PDZD2: variants seen among roughly 807,000 people sequenced by gnomAD.
The protein encoded by PDZD2 is PDZ domain containing 2.
Under a neutral mutation model 220.7 loss-of-function variants are expected in PDZD2, and 90 were observed. That is an observed-to-expected ratio of 0.41 (90% CI 0.34 to 0.49). PDZD2 has a LOEUF of 0.49. Ranked by LOEUF, PDZD2 falls within the 20% of genes least tolerant of loss-of-function variation. The pLI is 0.28. For synonymous variants in PDZD2, 1,375 were observed against 1,450.5 expected (o/e 0.95, Z 1.18); for missense variants, 3,174 against 3,608.5 (o/e 0.88, Z 3.08).
intron 4 of PDZD2, among the ~76,000 whole-genome samples, chr5:31,999,324 T>C (rs551946479): frequency 6.6e-6 from 1 of 150,962 alleles, no homozygotes; most frequent in Non-Finnish European, 1.5e-5. Context: ...CTTCTGTACA[T>C]GAAGCTTGGC....
intron 14 of PDZD2, among the ~76,000 whole-genome samples, chr5:32,062,088 G>A (rs1280824387): frequency 6.6e-6 from 1 of 152,146 alleles, no homozygotes. Context: ...ACAAATAAAT[G>A]TCTTCACATT....
At chr5:31,821,486 T>C (rs1229182870) in intron 2 of PDZD2, among the ~76,000 whole-genome samples, 1 of 151,998 alleles carries the variant, frequency 6.6e-6, no homozygotes, top group Non-Finnish European at 1.5e-5. Flanking sequence ...GTTCAAGTGA[T>C]TTTCCTGCCT....
At position 32,000,125 on chromosome 5, in the gene PDZD2, CT is replaced by C; in HGVS notation, c.1122-13del. On this transcript the variant is annotated splice_polypyrimidine_tract_variant and intron_variant, in intron 4 of 24. Transcript: ENST00000438447. The surrounding 1 kb of genome is among the most constrained non-coding windows in gnomAD (Gnocchi z 4.5). ...TCTTGACAAGGGATCTTTTTCCCAT[CT>C]CCCTTTCCTCAGGGATGGCAGGCTG... is the stretch of plus-strand genomic sequence containing the variant. 1 of 1,612,948 alleles carries C rather than the reference CT, an allele frequency of 6.2e-7. No homozygotes were observed.
intron 1 of PDZD2, among the ~76,000 whole-genome samples, chr5:31,666,492 G>T (rs914444035): frequency 2.1e-4 from 32 of 152,244 alleles, no homozygotes; most frequent in Admixed American, 2.0e-3. Context: ...CATGCAAGGG[G>T]CTTGCTGATC....
chr5:31,892,814 T>TG (rs1741173172), intron 2 of PDZD2, among the ~76,000 whole-genome samples: 1 of 33,456 alleles, frequency 3.0e-5, no homozygotes, highest in Non-Finnish European at 5.8e-5. Flanking sequence ...CCAGCAGTCC[T>TG]CCTGCCTCGG....
intron 1 of PDZD2, among the ~76,000 whole-genome samples, chr5:31,652,271 G>A (rs142612698): frequency 5.1e-4 from 77 of 152,232 alleles, no homozygotes; most frequent in African/African-American, 1.8e-3. Flanking sequence ...AGGATTACAG[G>A]TGTGAGCCAC....
Position 32,091,131 on chromosome 5 carries a change from T to G in PDZD2, c.7683T>G (p.Gly2561=). The G allele has an allele frequency of 3.1e-6, 5 of 1,592,922 alleles. No homozygotes were observed. Among genetic ancestry groups the G allele is most frequent in the Non-Finnish European group, 2.6e-6 (3 of 1,163,234 alleles). The change falls in exon 20 of 25, where the codon GGT becomes GGG. Residue 2561 remains glycine (G), a synonymous_variant. Transcript: ENST00000438447. ...CACCCAGTTCAGCCAGTGATACGGGTGAAGCTGCCCAGGATCTGCCTTTTA... is the reference window on the plus strand; with the variant it reads ...CACCCAGTTCAGCCAGTGATACGGGGGAAGCTGCCCAGGATCTGCCTTTTA... The part of the protein sequence containing the change: ...AETPSSASDT[G]EAAQDLPFRR...
At chr5:31,931,461 T>C (rs770572151) in intron 2 of PDZD2, among the ~76,000 whole-genome samples, 1 of 152,086 alleles carries the variant, frequency 6.6e-6, no homozygotes, top group Non-Finnish European at 1.5e-5. Context: ...CCTGGCCGCA[T>C]AGTAGATTTT....
At chr5:31,911,232 C>G (rs1317523203) in intron 2 of PDZD2, among the ~76,000 whole-genome samples, 1 of 152,212 alleles carries the variant, frequency 6.6e-6, no homozygotes, top group Non-Finnish European at 1.5e-5. Context: ...TCACTAGGCA[C>G]TGTACTAGGC....
At position 32,095,811 on chromosome 5, in the gene PDZD2, G is replaced by A. The variant is rs913175840; in HGVS notation, c.7846-1468G>A. On this transcript the variant is annotated intron_variant, in intron 21 of 24. Coordinates refer to ENST00000438447, the MANE Select transcript of PDZD2 (RefSeq NM_178140.4). ...GCTGGAGTGCAGTGGCGTGATCTCG[G>A]CTCACTGCAAGCTCCACCTCCTGGG... is the stretch of plus-strand genomic sequence containing the variant. Among the ~76,000 whole-genome samples the A allele has an allele frequency of 1.1e-4, 17 of 150,306 alleles. No individual in the cohort carries two copies. The East Asian group carries it at 3.1e-3, about 28-fold the overall frequency.
chr5:31,870,726 T>C (rs1738712815), intron 2 of PDZD2, among the ~76,000 whole-genome samples: 1 of 151,798 alleles, frequency 6.6e-6, no homozygotes, highest in Non-Finnish European at 1.5e-5. Context: ...CCATTTCTAC[T>C]AAAAATACAA....
chr5:32,092,802 G>T, intron 20 of PDZD2, 105 bp from the exon 21 acceptor site: 1 of 542,618 alleles, frequency 1.8e-6, no homozygotes, highest in South Asian at 2.8e-5. Flanking sequence ...GAAAATACCT[G>T]TTCTCTTTTG....
At chr5:31,706,417 G>C (rs1268410659) in intron 1 of PDZD2, among the ~76,000 whole-genome samples, 1 of 152,126 alleles carries the variant, frequency 6.6e-6, no homozygotes, top group Non-Finnish European at 1.5e-5. Flanking sequence ...GGTATGGGCA[G>C]TAGGGGCTGG....
intron 2 of PDZD2, among the ~76,000 whole-genome samples, chr5:31,891,914 C>CTTTTTTTTTT: frequency 6.6e-6 from 1 of 150,528 alleles, no homozygotes; most frequent in South Asian, 2.1e-4. Flanking sequence ...GTCATGCCTT[C>CTTTTTTTTTT]TTTTTTTTTG....
At chr5:31,666,733 A>G (rs1314048857) in intron 1 of PDZD2, among the ~76,000 whole-genome samples, 1 of 152,218 alleles carries the variant, frequency 6.6e-6, no homozygotes, top group Non-Finnish European at 1.5e-5. Context: ...TAAGAGAGTA[A>G]TTTCACTGTG....
chr5:31,758,274 A>G (rs1445561818), intron 1 of PDZD2, among the ~76,000 whole-genome samples: 2 of 152,220 alleles, frequency 1.3e-5, no homozygotes, highest in African/African-American at 4.8e-5. Context: ...CAGTCCATGA[A>G]TGCTTCAAAG....
intron 6 of PDZD2, among the ~76,000 whole-genome samples, chr5:32,024,399 GGGGCC>G (rs942737907): frequency 3.3e-5 from 5 of 152,018 alleles, no homozygotes; most frequent in Non-Finnish European, 5.9e-5. Context: ...TCCAATTAAC[GGGGCC>G]GGGCATGGTG....
chr5:31,712,846 T>C (rs1158437804), intron 1 of PDZD2, among the ~76,000 whole-genome samples: 4 of 152,082 alleles, frequency 2.6e-5, no homozygotes, highest in Admixed American at 2.6e-4. Context: ...CAATGGAGGG[T>C]AATGATGCCA....
chr5:31,830,698 T>A (rs1756528147), intron 2 of PDZD2, among the ~76,000 whole-genome samples: 1 of 152,146 alleles, frequency 6.6e-6, no homozygotes, highest in African/African-American at 2.4e-5. Context: ...ACACCCTTGA[T>A]CATCCACATA....
Sources: gnomAD v4.1 joint callset for allele counts (sites outside exome capture counted in the v4.1 genomes callset) on GRCh38, gnomAD v4.1.1 for gene constraint, Gnocchi (gnomAD v3.1) non-coding constraint, MANE v1.5 for transcripts, NCBI Gene and HGNC (gene_info 2026-07-23, HGNC 2026-07-21) for gene names.